Variants in RTL4 observed in about 807,000 individuals in gnomAD.
RTL4 encodes the protein retrotransposon Gag-like protein 4.
A neutral mutation model predicts 5.3 loss-of-function variants in RTL4; 4 were observed. The ratio of observed to expected loss-of-function variants is 0.75; its 90% CI spans 0.37 to 1.72. The LOEUF (loss-of-function observed/expected upper bound fraction) is 1.72. RTL4 is among the 40% of genes most tolerant of loss of function. The pLI is 0.04. For missense variants in RTL4, 260 were observed against 227.1 expected (o/e 1.14, Z -0.93); for synonymous variants, 98 against 87.3 (o/e 1.12, Z -0.68).
the RTL4 span, among the ~76,000 whole-genome samples, chrX:112,242,940 T>C: frequency 9.0e-6 from 1 of 111,704 alleles, no homozygotes; most frequent in East Asian, 2.8e-4. Context: ...CTGCATCTAT[T>C]GAGATAATCA....
the RTL4 span, among the ~76,000 whole-genome samples, chrX:112,358,835 C>A: frequency 8.9e-6 from 1 of 111,838 alleles, no homozygotes; most frequent in South Asian, 3.7e-4. Context: ...GAGTGTTCAT[C>A]CTTAAATTAA....
chrX:112,401,638 C>T, the RTL4 span, among the ~76,000 whole-genome samples: 3 of 111,054 alleles, frequency 2.7e-5, no homozygotes, highest in African/African-American at 9.8e-5. Flanking sequence ...ACATTAACAC[C>T]CTTTAATTCT....
chrX:112,415,495 T>A, the RTL4 span, among the ~76,000 whole-genome samples: 2 of 111,538 alleles, frequency 1.8e-5, no homozygotes, highest in Non-Finnish European at 3.8e-5. Flanking sequence ...TCATGAACGA[T>A]GCTGCTGTGA....
the RTL4 span, among the ~76,000 whole-genome samples, chrX:112,108,267 A>C: frequency 8.9e-6 from 1 of 112,091 alleles, no homozygotes; most frequent in South Asian, 3.7e-4. Flanking sequence ...TTCTTAAAAC[A>C]GTTATTTTGA....
chrX:112,184,675 T>C, the RTL4 span, among the ~76,000 whole-genome samples: 2 of 111,992 alleles, frequency 1.8e-5, no homozygotes, highest in South Asian at 7.5e-4. Context: ...AAAGTTCCCC[T>C]GGAGACTTTT....
At chrX:112,379,274 A>G in the RTL4 span, among the ~76,000 whole-genome samples, 6 of 111,831 alleles carry the variant, frequency 5.4e-5, no homozygotes, top group East Asian at 2.8e-4. Context: ...TGTAGTATAC[A>G]CTCTAAATCA....
the RTL4 span, among the ~76,000 whole-genome samples, chrX:112,384,673 G>C: frequency 9.0e-6 from 1 of 111,523 alleles, no homozygotes; most frequent in Non-Finnish European, 1.9e-5. Context: ...TTTTGCTTAG[G>C]ATTGTCTTGG....
chrX:112,344,176 A>G, the RTL4 span, among the ~76,000 whole-genome samples: 1 of 111,893 alleles, frequency 8.9e-6, no homozygotes, highest in African/African-American at 3.3e-5. Flanking sequence ...TCGTAAAGCC[A>G]TGTGTCATTG....
At chrX:112,161,438 T>C in the RTL4 span, among the ~76,000 whole-genome samples, 32 of 112,032 alleles carry the variant, frequency 2.9e-4, no homozygotes, top group Admixed American at 5.7e-4. Context: ...TTCATTCCTT[T>C]GGCAAAATCA....
the RTL4 span, among the ~76,000 whole-genome samples, chrX:112,121,936 GC>G: frequency 1.8e-5 from 2 of 111,366 alleles, no homozygotes; most frequent in Non-Finnish European, 3.8e-5. Flanking sequence ...ATAAAAATCA[GC>G]CCTTAGCAAG....
At chrX:112,369,224 G>C in the RTL4 span, among the ~76,000 whole-genome samples, 1 of 112,873 alleles carries the variant, frequency 8.9e-6, no homozygotes, top group Non-Finnish European at 1.9e-5. Flanking sequence ...CACAGGCAGA[G>C]CCCTACAGAG....
At chrX:112,171,458 A>AC in the RTL4 span, among the ~76,000 whole-genome samples, 1 of 109,245 alleles carries the variant, frequency 9.2e-6, no homozygotes, top group African/African-American at 3.3e-5. Context: ...TTGGGGATTC[A>AC]TTTTTTTTTC....
At chrX:112,349,103 C>T in the RTL4 span, among the ~76,000 whole-genome samples, 1 of 110,550 alleles carries the variant, frequency 9.0e-6, no homozygotes, top group Non-Finnish European at 1.9e-5. Flanking sequence ...GAAGTCTGCT[C>T]AAGAGTCCAT....
At chrX:112,353,651 G>A in the RTL4 span, among the ~76,000 whole-genome samples, 2 of 110,257 alleles carry the variant, frequency 1.8e-5, no homozygotes, top group African/African-American at 3.3e-5. Context: ...CATGGACACA[G>A]GAAGGGGAAC....
chrX:112,196,403 T>G, the RTL4 span, among the ~76,000 whole-genome samples: 1 of 112,091 alleles, frequency 8.9e-6, no homozygotes, highest in Non-Finnish European at 1.9e-5. Flanking sequence ...GAATTTGGAT[T>G]GTTTATAGTT....
At chrX:112,369,621 A>G in the RTL4 span, among the ~76,000 whole-genome samples, 1 of 112,236 alleles carries the variant, frequency 8.9e-6, no homozygotes, top group Non-Finnish European at 1.9e-5. Flanking sequence ...GAAGAGAAAA[A>G]GAAGACAAAT....
At chrX:112,426,000 C>T in the RTL4 span, among the ~76,000 whole-genome samples, 2 of 111,687 alleles carry the variant, frequency 1.8e-5, no homozygotes, top group South Asian at 3.7e-4. Flanking sequence ...CTAAAGTCAT[C>T]GCCATATCCA....
the RTL4 span, among the ~76,000 whole-genome samples, chrX:112,354,179 A>G: frequency 9.0e-6 from 1 of 111,449 alleles, no homozygotes; most frequent in South Asian, 3.7e-4. Flanking sequence ...GAGGGGATGC[A>G]GTTGCATAAG....
chrX:112,326,674 T>C, the RTL4 span, among the ~76,000 whole-genome samples: 1 of 112,090 alleles, frequency 8.9e-6, no homozygotes, highest in Admixed American at 9.4e-5. Flanking sequence ...GAGGCCTGCC[T>C]GCCTCTGTAG....
Sources: allele counts gnomAD v4.1 joint callset (sites outside exome capture counted in the v4.1 genomes callset), GRCh38; gene constraint gnomAD v4.1.1; transcripts MANE v1.5; gene names NCBI Gene and HGNC (gene_info 2026-07-23, HGNC 2026-07-21).